Variants in ADGRD2 observed in about 807,000 individuals in gnomAD.
ADGRD2 encodes the protein adhesion G protein-coupled receptor D2.
In ADGRD2, 71 loss-of-function variants were observed where a neutral mutation model predicts 44.4. The ratio of observed to expected loss-of-function variants is 1.60; its 90% CI spans 1.32 to 1.95. The LOEUF (loss-of-function observed/expected upper bound fraction) is 1.95, where lower values mean the gene tolerates loss of function less well. Ranked by LOEUF, ADGRD2 falls within the 30% of genes most tolerant of loss-of-function variation. ADGRD2 has a pLI of 0.00. For missense variants in ADGRD2, 1,039 were observed against 512.4 expected (o/e 2.03, Z -9.92); for synonymous variants, 481 against 224.8 (o/e 2.14, Z -10.19).
At chr9:124,470,383 C>A in intron 16 of ADGRD2, 111 bp from the exon 20 acceptor site, 1 of 612,488 alleles carries the variant, frequency 1.6e-6, no homozygotes, top group East Asian at 2.8e-5. Context: ...ATGGTCCCGG[C>A]CCTCAGCTCC....
intron 1 of ADGRD2, 30 bp from the exon 5 acceptor site, chr9:124,452,480 A>AC (rs761996953): frequency 1.1e-4 from 80 of 717,604 alleles, no homozygotes; most frequent in Non-Finnish European, 1.7e-4. Flanking sequence ...CACAAAATGC[A>AC]CCCCCCACCG....
At chr9:124,476,009 C>A (rs1470253921) in intron 19 of ADGRD2, among the ~76,000 whole-genome samples, 1 of 152,188 alleles carries the variant, frequency 6.6e-6, no homozygotes, top group African/African-American at 2.4e-5. Flanking sequence ...GCTTCTGGGG[C>A]CTGGCCCACG....
chr9:124,453,142 G>A (rs1383969973), exon 3 of ADGRD2: 4 of 701,736 alleles, frequency 5.7e-6, no homozygotes, highest in East Asian at 2.7e-5. Flanking sequence ...GTGTACTCAC[G>A]TGCAGTGGGA....
Position 124,453,695 on chromosome 9 carries a change from C to CG in ADGRD2, c.923+21dup. The CG allele has an allele frequency of 1.5e-6, 1 of 678,244 alleles. No homozygotes were observed. The allele number at this position is 678,244 out of a possible 1,614,324, so 42.0% of individuals were successfully genotyped here. A position where few individuals can be genotyped will look rare whatever the true frequency, so the allele number is the denominator to read the frequency against. ...TGTCCCGGTACGACCCGCCCCGCCC[C>CG]GGCCCCACCCCATGGCCCCGAATCC... On this transcript the variant is annotated intron_variant, in intron 3 of 21. Coordinates refer to ENST00000334810, the Ensembl canonical transcript of ADGRD2.
intron 17 of ADGRD2, 71 bp downstream of exon 20, chr9:124,470,685 G>A (rs377178621): frequency 3.1e-6 from 2 of 645,956 alleles, no homozygotes; most frequent in Non-Finnish European, 5.8e-6. Context: ...CGACTAGGGT[G>A]TCAGGGCCTG....
At chr9:124,451,868 A>G (rs1319382668), upstream of ADGRD2, among the ~76,000 whole-genome samples, 2 of 152,062 alleles carry the variant, frequency 1.3e-5, no homozygotes, top group Non-Finnish European at 2.9e-5. Flanking sequence ...GACCCCTCTT[A>G]CTCATCAGCC....
intron 10 of ADGRD2, among the ~76,000 whole-genome samples, chr9:124,459,929 T>C (rs972689004): frequency 1.3e-5 from 2 of 152,292 alleles, no homozygotes; most frequent in South Asian, 2.1e-4. Flanking sequence ...GAAAGTTATA[T>C]AGGGATTGAG....
intron 7 of ADGRD2, 71 bp downstream of exon 10, chr9:124,456,804 G>C: frequency 1.4e-6 from 1 of 698,224 alleles, no homozygotes; most frequent in South Asian, 1.5e-5. Flanking sequence ...ACTGGGAGCT[G>C]TCTGAACTTC....
exon 3 of ADGRD2, chr9:124,453,329 T>G (rs1831538353): frequency 2.0e-6 from 1 of 501,768 alleles, no homozygotes; most frequent in Non-Finnish European, 3.5e-6. Context: ...TGGCACCATG[T>G]GTGCGCCACG....
At chr9:124,464,811 C>CAT (rs1554719216) in intron 10 of ADGRD2, among the ~76,000 whole-genome samples, 2 of 151,146 alleles carry the variant, frequency 1.3e-5, no homozygotes, top group South Asian at 2.1e-4. Flanking sequence ...TGTGTGTGTA[C>CAT]GTGTGTGTGT....
chr9:124,470,613 A>T (rs1564143173), exon 17 of ADGRD2: 1 of 704,650 alleles, frequency 1.4e-6, no homozygotes, highest in Non-Finnish European at 2.6e-6. Context: ...AACTCCATCC[A>T]GGTACCTCCA....
rs1832055808 is a variant in ADGRD2 at position 124,476,724 on chromosome 9, T to C, written c.*18+15T>C. 1 of 699,248 alleles carries C rather than the reference T, an allele frequency of 1.4e-6. No homozygotes were observed. Among genetic ancestry groups the C allele is most frequent in the Non-Finnish European group, 2.6e-6 (1 of 382,688 alleles). The allele number at this position is 699,248 out of a possible 1,614,324, so 43.3% of individuals were successfully genotyped here. On this transcript the variant is annotated intron_variant, in intron 21 of 21. Coordinates refer to ENST00000334810, the Ensembl canonical transcript of ADGRD2. ...CAAAGCTTCAGGTACAGTCCCCACC[T>C]CACGGGGTCCCCTCTTTTCTTTTTG...
At chr9:124,466,222 T>C (rs1188055123) in intron 10 of ADGRD2, 36 bp from the exon 14 acceptor site, 1 of 561,646 alleles carries the variant, frequency 1.8e-6, no homozygotes, top group Admixed American at 2.8e-5. Context: ...CCTGCTTGCT[T>C]CTGGCCCCTC....
chr9:124,470,397 C>G (rs1435704813), intron 16 of ADGRD2, 97 bp from the exon 20 acceptor site: 1 of 627,500 alleles, frequency 1.6e-6, no homozygotes, highest in Non-Finnish European at 2.9e-6. Context: ...CAGCTCCCAC[C>G]CCGCTCCAGG....
chr9:124,472,076 T>C (rs575540835), intron 17 of ADGRD2, among the ~76,000 whole-genome samples: 2 of 152,282 alleles, frequency 1.3e-5, no homozygotes, highest in African/African-American at 4.8e-5. Flanking sequence ...GGGGGTTGGA[T>C]TCCTGATGCT....
At chr9:124,477,229 G>A (rs1832066630) in intron 21 of ADGRD2, 1 of 366,936 alleles carries the variant, frequency 2.7e-6, no homozygotes, top group South Asian at 2.0e-5. Context: ...GGTACTGTGG[G>A]AGGGTGAGGA....
Position 124,463,290 on chromosome 9 carries a change from T to C in ADGRD2, c.1871-2968T>C, listed in dbSNP as rs554615350. On this transcript the variant is annotated intron_variant, in intron 10 of 21. Transcript: ENST00000334810. Reference sequence around the variant, plus strand: ...CCTTAATCTAGTAAATTGCACTGACTGATTTTCAAGTGTTAAACCAACCTT... The same window carrying C: ...CCTTAATCTAGTAAATTGCACTGACCGATTTTCAAGTGTTAAACCAACCTT... 7.2e-5 allele frequency among the ~76,000 whole-genome samples: 11 copies of C among 152,374 alleles called. No homozygotes were observed. The South Asian group carries it at 2.3e-3, about 32-fold the overall frequency.
chr9:124,476,643 TG>T, intron 20 of ADGRD2, 35 bp from the exon 24 acceptor site: 1 of 696,016 alleles, frequency 1.4e-6, no homozygotes, highest in Non-Finnish European at 2.6e-6. Flanking sequence ...GCAGAAGGAG[TG>T]GGGGCCACCC....
At chr9:124,467,900 C>T (rs1831858895) in intron 12 of ADGRD2, 76 bp downstream of exon 15, 1 of 710,922 alleles carries the variant, frequency 1.4e-6, no homozygotes, top group South Asian at 1.5e-5. Context: ...CCCCATTGGT[C>T]GGGTGTCCAT....
Sources: allele counts gnomAD v4.1 joint callset (sites outside exome capture counted in the v4.1 genomes callset), GRCh38; gene constraint gnomAD v4.1.1; transcripts MANE v1.5; gene names NCBI Gene and HGNC (gene_info 2026-07-23, HGNC 2026-07-21).